ADAMTS2: variants seen among roughly 807,000 people sequenced by gnomAD.
ADAMTS2 encodes ADAM metallopeptidase with thrombospondin type 1 motif 2, also known as A disintegrin and metalloproteinase with thrombospondin motifs 2.
ADAMTS2 carries 50 observed loss-of-function variants against 123.0 expected under a neutral mutation model. That is an observed-to-expected ratio of 0.41 (90% CI 0.32 to 0.51). The LOEUF is 0.51. Among genes scored for constraint, ADAMTS2 ranks in the 20% least tolerant of loss-of-function variants. ADAMTS2 has a pLI of 0.35. For missense variants in ADAMTS2, 1,494 were observed against 1,705.2 expected (o/e 0.88, Z 2.18); for synonymous variants, 678 against 695.4 (o/e 0.98, Z 0.39).
chr5:179,274,777 A>G (rs1372971431), intron 2 of ADAMTS2, among the ~76,000 whole-genome samples: 2 of 152,152 alleles, frequency 1.3e-5, no homozygotes, highest in Admixed American at 1.3e-4. Context: ...CTCCCGGCGC[A>G]CTCAGCCTGG....
intron 2 of ADAMTS2, among the ~76,000 whole-genome samples, chr5:179,293,803 T>C (rs1283100264): frequency 6.6e-6 from 1 of 151,996 alleles, no homozygotes; most frequent in Non-Finnish European, 1.5e-5. Context: ...TTTGTATTTT[T>C]TTAGTAGAAT....
At position 179,303,295 on chromosome 5, in the gene ADAMTS2, G is replaced by A. The variant is rs1210531625; in HGVS notation, c.535-30231C>T. On this transcript the variant is annotated intron_variant, in intron 2 of 21. Coordinates refer to ENST00000251582, the MANE Select transcript of ADAMTS2 (RefSeq NM_014244.5). The surrounding 1 kb of genome is among the most constrained non-coding windows in gnomAD (Gnocchi z 4.7). ...TCAACACATAGAGAGGTCCCTAGGAGAAGGTTCAGGTTCCAGTAGGATGGT... is the reference window on the plus strand; with the variant it reads ...TCAACACATAGAGAGGTCCCTAGGAAAAGGTTCAGGTTCCAGTAGGATGGT... 6.6e-6 allele frequency among the ~76,000 whole-genome samples: 1 copy of A among 152,164 alleles called. No homozygotes were observed. Among genetic ancestry groups the A allele is most frequent in the African/African-American group, 2.4e-5 (1 of 41,410 alleles).
intron 2 of ADAMTS2, among the ~76,000 whole-genome samples, chr5:179,278,710 G>C (rs920134058): frequency 6.6e-6 from 1 of 152,016 alleles, no homozygotes; most frequent in Non-Finnish European, 1.5e-5. Flanking sequence ...GGGGGACAGA[G>C]AGAGGATCAT....
intron 2 of ADAMTS2, among the ~76,000 whole-genome samples, chr5:179,329,342 A>G (rs1285976716): frequency 6.6e-6 from 1 of 151,136 alleles, no homozygotes; most frequent in Non-Finnish European, 1.5e-5. Flanking sequence ...AAAAAAAAAA[A>G]ACAAAACAAA....
In ADAMTS2 at chr5:179,122,694, T is replaced by A; in HGVS notation, c.3038A>T (p.Gln1013Leu). 6.4e-7 allele frequency: 1 copy of A among 1,551,678 alleles called. No individual in the cohort carries two copies. Among genetic ancestry groups the A allele is most frequent in the African/African-American group, 1.4e-5 (1 of 73,264 alleles). Residue 1013 changes from glutamine to leucine, a missense_variant, in exon 20 of 22, where the codon CAG (glutamine) becomes CTG (leucine). Physicochemically the swap from Gln to Leu is moderately radical, Grantham distance 113 (BLOSUM62 -2). Transcript: ENST00000251582. ...RTADDSFGIC[Q>L]EERPETARTC... is the part of the protein sequence containing the mutation. Reference sequence around the variant, plus strand: ...CCTCGCTGTCTCAGGACGCTCCTCCTGGCAGATGCCGAAGCTGTCGTCCGC... The same window carrying A: ...CCTCGCTGTCTCAGGACGCTCCTCCAGGCAGATGCCGAAGCTGTCGTCCGC...
At chr5:179,278,251 G>A (rs1164622543) in intron 2 of ADAMTS2, among the ~76,000 whole-genome samples, 2 of 150,404 alleles carry the variant, frequency 1.3e-5, no homozygotes, top group Non-Finnish European at 3.0e-5. Flanking sequence ...TCGGGGCGGG[G>A]GGCACTTCAC....
At chr5:179,148,650 C>G (rs889170021) in intron 10 of ADAMTS2, among the ~76,000 whole-genome samples, 1 of 152,222 alleles carries the variant, frequency 6.6e-6, no homozygotes, top group African/African-American at 2.4e-5. Context: ...CTGCTCCCCT[C>G]CCGTGCTTCC....
At chr5:179,121,532 A>AC in intron 21 of ADAMTS2, 129 bp downstream of exon 21, 1 of 662,280 alleles carries the variant, frequency 1.5e-6, no homozygotes, top group South Asian at 3.3e-5. Flanking sequence ...GAAAACGGTC[A>AC]CCCCAGAGCG....
chr5:179,131,306 CAAAAAAAAAAAAAAAA>C (rs553125844), intron 15 of ADAMTS2, among the ~76,000 whole-genome samples: 3 of 22,660 alleles, frequency 1.3e-4, no homozygotes, highest in Non-Finnish European at 3.3e-4. Context: ...GAGCGAGACT[CAAAAAAAAAAAAAAAA>C]AAAAAAAAAG....
chr5:179,333,596 G>GTTTTTTTTTTTTT lies in ADAMTS2; in HGVS notation c.534+10158_534+10170dup, dbSNP rs1219136980. On this transcript the variant is annotated intron_variant, in intron 2 of 21. Transcript: ENST00000251582. ...CAAGCCACAGATTTGGTTTTTTTCT[G>GTTTTTTTTTTTTT]TTTTTTTTTTTTTTTTTTTTTTTAG... Among the ~76,000 whole-genome samples the GTTTTTTTTTTTTT allele has an allele frequency of 1.6e-4, 17 of 105,980 alleles. 1 individual carries two copies. The highest frequency in any genetic ancestry group is 3.5e-4 in the South Asian group (1 of 2,828). The allele number at this position is 105,980 out of a possible 152,430, so 69.5% of individuals were successfully genotyped here. A position where few individuals can be genotyped will look rare whatever the true frequency, so the allele number is the denominator to read the frequency against.
Position 179,228,329 on chromosome 5 carries a change from G to A in ADAMTS2, c.689-20614C>T, listed in dbSNP as rs1250367574. ...AGGCCCACAGAGGTGACAGGAACGG[G>A]CCAGGTGCACGGACAGGGCTGTTCC... On this transcript the variant is annotated intron_variant, in intron 3 of 21. Transcript: ENST00000251582. This position sits in a 1 kb window ranked among gnomAD's most constrained non-coding sequence, Gnocchi z 5.2. Among the ~76,000 whole-genome samples, 16 of 152,170 alleles carry A rather than the reference G, an allele frequency of 1.1e-4. No homozygotes were observed. Among genetic ancestry groups the A allele is most frequent in the Admixed American group, 1.0e-3 (16 of 15,288 alleles).
In ADAMTS2 at chr5:179,289,172, G is replaced by A. The variant is rs560572414; in HGVS notation, c.535-16108C>T. Among the ~76,000 whole-genome samples the A allele has an allele frequency of 1.2e-3, 189 of 152,172 alleles. 1 individual carries two copies. Among genetic ancestry groups the A allele is most frequent in the African/African-American group, 4.2e-3 (174 of 41,502 alleles). ...CTGCTCAGAGACGGCCTGTCCCACC[G>A]CCCCGTGTGAAATCACACCCAAGCA... On this transcript the variant is annotated intron_variant, in intron 2 of 21. Transcript: ENST00000251582.
chr5:179,132,270 G>T lies in ADAMTS2; in HGVS notation c.2250C>A (p.His750Gln), dbSNP rs1417381651. The change falls in exon 15 of 22, where the codon CAC becomes CAA. Residue 750 changes from histidine to glutamine, a missense_variant. Physicochemically the swap from His to Gln is conservative, Grantham distance 24 (BLOSUM62 0). This residue lies in a region of ADAMTS2 where 953 missense variants were observed against 1,124.7 expected (regional missense o/e 0.85). Transcript: ENST00000251582. The surrounding 1 kb of genome is among the most constrained non-coding windows in gnomAD (Gnocchi z 6.1). ...TGGCGTCTACCTCCTGAATGAGCAG[G>T]TGTCTGGCTCCTGCAGGGATCTCAA... ...KMFEIPAGAR[H>Q]LLIQEVDATS... 6.2e-7 allele frequency: 1 copy of T among 1,614,228 alleles called. No individual in the cohort carries two copies. The highest frequency in any genetic ancestry group is 8.5e-7 in the Non-Finnish European group (1 of 1,180,042).
At chr5:179,273,430 T>C (rs1766602182) in intron 2 of ADAMTS2, among the ~76,000 whole-genome samples, 1 of 152,132 alleles carries the variant, frequency 6.6e-6, no homozygotes, top group African/African-American at 2.4e-5. Flanking sequence ...TCCACCAAAG[T>C]GCATCAATAT....
chr5:179,292,956 G>A (rs915226050), intron 2 of ADAMTS2, among the ~76,000 whole-genome samples: 4 of 152,202 alleles, frequency 2.6e-5, no homozygotes, highest in Admixed American at 1.3e-4. Context: ...AAGCCCTCCT[G>A]TTTTCCTAGA....
chr5:179,282,857 C>T (rs984953464), intron 2 of ADAMTS2, among the ~76,000 whole-genome samples: 15 of 152,068 alleles, frequency 9.9e-5, no homozygotes, highest in Admixed American at 4.6e-4. Context: ...AGGCGGATCA[C>T]GAGGTCAGGA....
chr5:179,163,345 G>A (rs763818864), intron 5 of ADAMTS2, among the ~76,000 whole-genome samples: 4 of 152,154 alleles, frequency 2.6e-5, no homozygotes, highest in Non-Finnish European at 5.9e-5. Flanking sequence ...AAGGAGTGGC[G>A]AGGACTGTGG....
intron 2 of ADAMTS2, among the ~76,000 whole-genome samples, chr5:179,321,170 C>T (rs574096672): frequency 6.6e-6 from 1 of 152,260 alleles, no homozygotes; most frequent in Non-Finnish European, 1.5e-5. Context: ...TTCAAACTCT[C>T]CATCTCCCGG....
intron 5 of ADAMTS2, among the ~76,000 whole-genome samples, chr5:179,159,656 C>G (rs1405566763): frequency 6.6e-6 from 1 of 152,162 alleles, no homozygotes; most frequent in Admixed American, 6.5e-5. Flanking sequence ...TGCACACTCT[C>G]TCTGCACCAT....
Sources: gnomAD v4.1 joint callset for allele counts (sites outside exome capture counted in the v4.1 genomes callset) on GRCh38, gnomAD v4.1.1 for gene constraint, gnomAD v4.1.1 regional missense constraint, Gnocchi (gnomAD v3.1) non-coding constraint, MANE v1.5 for transcripts, NCBI Gene and HGNC (gene_info 2026-07-23, HGNC 2026-07-21) for gene names.